The following AUNIP variants were observed in gnomAD, a reference collection of about 807,000 sequenced individuals.
AUNIP encodes aurora kinase A and ninein interacting protein, also known as aurora kinase A- and ninein-interacting protein.
A neutral mutation model predicts 12.2 loss-of-function variants in AUNIP; 16 were observed. The ratio of observed to expected loss-of-function variants is 1.31; its 90% CI spans 0.88 to 1.99. The LOEUF (loss-of-function observed/expected upper bound fraction) is 1.99, where lower values mean the gene tolerates loss of function less well. Ranked by LOEUF, AUNIP falls within the 30% of genes most tolerant of loss-of-function variation. AUNIP has a pLI of 0.00. For missense variants in AUNIP, 411 were observed against 419.1 expected (o/e 0.98, Z 0.17); for synonymous variants, 142 against 154.8 (o/e 0.92, Z 0.61).
intron 1 of AUNIP, among the ~76,000 whole-genome samples, chr1:25,849,093 C>G (rs994260163): frequency 6.6e-6 from 1 of 152,166 alleles, no homozygotes; most frequent in Non-Finnish European, 1.5e-5. Flanking sequence ...CTTCAAGACT[C>G]CTTAACTTTT....
intron 1 of AUNIP, among the ~76,000 whole-genome samples, chr1:25,856,724 G>A (rs566547848): frequency 5.3e-5 from 8 of 152,254 alleles, no homozygotes; most frequent in African/African-American, 1.9e-4. Context: ...TATAGACAGA[G>A]AGACAAATAT....
At chr1:25,843,202 A>T (rs866367934) in intron 1 of AUNIP, among the ~76,000 whole-genome samples, 63 of 148,546 alleles carry the variant, frequency 4.2e-4, no homozygotes, top group African/African-American at 1.3e-3. Context: ...ATATATATAT[A>T]TTTTACTGCT....
At chr1:25,856,060 TG>T (rs906607850) in intron 1 of AUNIP, among the ~76,000 whole-genome samples, 8 of 152,044 alleles carry the variant, frequency 5.3e-5, no homozygotes, top group East Asian at 1.9e-4. Flanking sequence ...AGGCAGGATT[TG>T]GGGGTATAAG....
Position 25,838,264 on chromosome 1 carries a change from G to A in AUNIP, c.79-710C>T, listed in dbSNP as rs549246183. Among the ~76,000 whole-genome samples the A allele has an allele frequency of 8.3e-4, 126 of 152,180 alleles. 1 individual carries two copies. The highest frequency in any genetic ancestry group is 2.8e-3 in the African/African-American group (117 of 41,516). On this transcript the variant is annotated intron_variant, in intron 1 of 2. Transcript: ENST00000374298. ...TCACACCTGTAATCCCAACACTTTG[G>A]GAGGCCGAGGCGGGTGGATCACGAG...
chr1:25,844,987 C>T (rs1406961728), intron 1 of AUNIP, among the ~76,000 whole-genome samples: 1 of 152,176 alleles, frequency 6.6e-6, no homozygotes, highest in Non-Finnish European at 1.5e-5. Flanking sequence ...AGAAGTGTTA[C>T]CAAGAAAAGC....
In AUNIP at chr1:25,842,204, C is replaced by T. The variant is rs562133957; in HGVS notation, c.79-4650G>A. Among the ~76,000 whole-genome samples the T allele has an allele frequency of 7.9e-5, 12 of 152,318 alleles. No individual in the cohort carries two copies. In the South Asian group the frequency reaches 2.1e-3, roughly 26 times the overall value. On this transcript the variant is annotated intron_variant, in intron 1 of 2. Transcript: ENST00000374298. ...TTGAAGGAAATTATAAGTGCCACTC[C>T]AGTGAAAACACAAATAAGAAAGCAA...
At chr1:25,849,291 C>T (rs987965001) in intron 1 of AUNIP, among the ~76,000 whole-genome samples, 1 of 152,100 alleles carries the variant, frequency 6.6e-6, no homozygotes, top group African/African-American at 2.4e-5. Context: ...TAAAATTTGC[C>T]CATTTAAGTA....
At position 25,835,132 on chromosome 1, in the gene AUNIP, T is replaced by C; in HGVS notation, c.935A>G (p.Asn312Ser). The C allele has an allele frequency of 1.2e-6, 2 of 1,614,172 alleles. No homozygotes were observed. Among genetic ancestry groups the C allele is most frequent in the Non-Finnish European group, 1.7e-6 (2 of 1,180,034 alleles). Residue 312 changes from asparagine to serine, a missense_variant, in exon 3 of 3, where the codon AAC (asparagine) becomes AGC (serine). Transcript: ENST00000374298. Reference protein sequence around the residue: ...TRAPFQDVTNNWNWDLGPFPN... With the variant: ...TRAPFQDVTNSWNWDLGPFPN... ...AAACGGCCCTAAGTCCCAATTCCAG[T>C]TATTGGTTACATCTTGAAAAGGAGC...
intron 2 of AUNIP, among the ~76,000 whole-genome samples, chr1:25,836,473 A>AT (rs1403784246): frequency 1.3e-5 from 2 of 152,212 alleles, no homozygotes; most frequent in Non-Finnish European, 2.9e-5. Flanking sequence ...CAGCCTGTTA[A>AT]TTTTATCAGG....
chr1:25,859,380 G>A lies in AUNIP; in HGVS notation c.-23C>T, dbSNP rs1163185418. On this transcript the variant is annotated 5_prime_UTR_variant, in exon 1 of 3. Transcript: ENST00000374298. The stretch of plus-strand genomic sequence containing the variant: ...CATGGCCGCTGAGGAGACGAAGCCG[G>A]CAGGACGCCGGCGCAGGCTCCCGGC... 3 of 1,492,280 alleles carry A rather than the reference G, an allele frequency of 2.0e-6. No homozygotes were observed. Among genetic ancestry groups the A allele is most frequent in the African/African-American group, 2.9e-5 (2 of 68,482 alleles). The allele number at this position is 1,492,280 out of a possible 1,614,324, so 92.4% of individuals were successfully genotyped here. A position where few individuals can be genotyped will look rare whatever the true frequency, so the allele number is the denominator to read the frequency against.
rs1159518244 is a variant in AUNIP, at chr1:25,847,007, A to G, written c.79-9453T>C. On this transcript the variant is annotated intron_variant, in intron 1 of 2. Transcript: ENST00000374298. This position sits in a 1 kb window ranked among gnomAD's most constrained non-coding sequence, Gnocchi z 4.2. ...TGGAGCAAATCCTGAATCCCCCTGG[A>G]AAGTGTTAACTTCAACAGAAGTATT... is the stretch of plus-strand genomic sequence containing the variant. Among the ~76,000 whole-genome samples, 1 of 152,218 alleles carries G rather than the reference A, an allele frequency of 6.6e-6. No individual in the cohort carries two copies. The highest frequency in any genetic ancestry group is 6.5e-5 in the Admixed American group (1 of 15,282).
intron 1 of AUNIP, among the ~76,000 whole-genome samples, chr1:25,855,559 GT>G (rs1303316140): frequency 1.3e-5 from 2 of 152,130 alleles, no homozygotes; most frequent in Admixed American, 1.3e-4. Flanking sequence ...GGCCAAATGG[GT>G]AGTTCAAATT....
At chr1:25,841,593 G>A (rs562260482) in intron 1 of AUNIP, among the ~76,000 whole-genome samples, 24 of 151,448 alleles carry the variant, frequency 1.6e-4, no homozygotes, top group African/African-American at 3.2e-4. Context: ...GCACGATCTC[G>A]GCTCACTGCA....
downstream of AUNIP, among the ~76,000 whole-genome samples, chr1:25,833,629 C>A (rs2048272748): frequency 6.6e-6 from 1 of 151,992 alleles, no homozygotes; most frequent in Non-Finnish European, 1.5e-5. Flanking sequence ...GTGGCATGTG[C>A]CTATAGTTCA....
At chr1:25,851,135 G>A (rs1190847961) in intron 1 of AUNIP, among the ~76,000 whole-genome samples, 1 of 152,178 alleles carries the variant, frequency 6.6e-6, no homozygotes, top group East Asian at 1.9e-4. Flanking sequence ...ACATGATTAT[G>A]TGGTTTTTGT....
downstream of AUNIP, among the ~76,000 whole-genome samples, chr1:25,833,702 C>T (rs1239126367): frequency 6.6e-6 from 1 of 151,538 alleles, no homozygotes; most frequent in Non-Finnish European, 1.5e-5. Context: ...TGCAGTGAAC[C>T]GTGTTCATGC....
intron 1 of AUNIP, among the ~76,000 whole-genome samples, chr1:25,857,543 C>T (rs1256582445): frequency 1.3e-5 from 2 of 151,206 alleles, no homozygotes; most frequent in Non-Finnish European, 3.0e-5. Flanking sequence ...GCCACCGCAC[C>T]CGGCCATTTT....
chr1:25,851,543 C>T (rs1441184579), intron 1 of AUNIP, among the ~76,000 whole-genome samples: 2 of 152,154 alleles, frequency 1.3e-5, no homozygotes, highest in East Asian at 1.9e-4. Flanking sequence ...TCAATCTCTT[C>T]GTTATAGGTC....
At chr1:25,848,527 C>T (rs190864650) in intron 1 of AUNIP, among the ~76,000 whole-genome samples, 1 of 150,650 alleles carries the variant, frequency 6.6e-6, no homozygotes, top group African/African-American at 2.5e-5. Flanking sequence ...CAAGGAGAGG[C>T]CTGGCAGCTC....
Sources: allele counts gnomAD v4.1 joint callset (sites outside exome capture counted in the v4.1 genomes callset), GRCh38; gene constraint gnomAD v4.1.1; non-coding constraint Gnocchi (gnomAD v3.1); transcripts MANE v1.5; gene names NCBI Gene and HGNC (gene_info 2026-07-23, HGNC 2026-07-21).